Variants in JMY observed in about 807,000 individuals in gnomAD.
JMY encodes junction-mediating and -regulatory protein.
JMY carries 46 observed loss-of-function variants against 103.3 expected under a neutral mutation model. The ratio of observed to expected loss-of-function variants is 0.45; its 90% CI spans 0.35 to 0.57. JMY has a LOEUF of 0.57. Ranked by LOEUF, JMY falls within the 20% of genes least tolerant of loss-of-function variation. JMY has a pLI of 0.00. For synonymous variants in JMY, 526 were observed against 489.3 expected, an observed-to-expected ratio of 1.07 and a Z score of -0.99; for missense variants, 1,238 against 1,255.2, an observed-to-expected ratio of 0.99 and a Z score of 0.21.
intron 2 of JMY, chr5:79,284,727 A>C (rs1746219393): frequency 6.3e-7 from 1 of 1,590,542 alleles, no homozygotes; most frequent in African/African-American, 1.3e-5. Context: ...CAAACACACG[A>C]CCCTTGAGAC....
chr5:79,313,185 T>C (rs1357659722), intron 8 of JMY, among the ~76,000 whole-genome samples: 1 of 152,154 alleles, frequency 6.6e-6, no homozygotes, highest in Non-Finnish European at 1.5e-5. Flanking sequence ...CCCAGCACTT[T>C]ATGAGGCTGA....
intron 1 of JMY, among the ~76,000 whole-genome samples, chr5:79,250,329 A>G (rs1244747271): frequency 1.3e-5 from 2 of 152,178 alleles, no homozygotes; most frequent in Admixed American, 1.3e-4. Flanking sequence ...TCGTGTATAC[A>G]TTATTATATT....
intron 1 of JMY, among the ~76,000 whole-genome samples, chr5:79,257,443 A>G (rs1434513452): frequency 2.0e-5 from 3 of 152,104 alleles, no homozygotes; most frequent in African/African-American, 7.2e-5. Context: ...TCTCTACAAA[A>G]ACTACAAAAA....
chr5:79,314,247 G>C lies in JMY; in HGVS notation c.2065-10G>C, dbSNP rs781614835. 2 of 1,590,006 alleles carry C rather than the reference G, an allele frequency of 1.3e-6. No homozygotes were observed. The highest frequency in any genetic ancestry group is 8.5e-7 in the Non-Finnish European group (1 of 1,170,706). ...CATTTAACCAGTTCCAATAACTTCT[G>C]GTATTTTAGAGGTATCCTGGGCAAG... is the stretch of plus-strand genomic sequence containing the variant. On this transcript the variant is annotated splice_polypyrimidine_tract_variant and intron_variant, in intron 8 of 10. Coordinates refer to ENST00000396137, the MANE Select transcript of JMY (RefSeq NM_152405.5).
At chr5:79,271,373 T>A (rs569263408) in intron 1 of JMY, among the ~76,000 whole-genome samples, 1 of 152,248 alleles carries the variant, frequency 6.6e-6, no homozygotes, top group African/African-American at 2.4e-5. Context: ...TTTTTGCTGT[T>A]AGGCTAAACC....
intron 2 of JMY, among the ~76,000 whole-genome samples, chr5:79,286,639 T>TAA (rs58505099): frequency 5.2e-5 from 7 of 135,054 alleles, no homozygotes; most frequent in Admixed American, 7.5e-5. Context: ...CAAGACTCCA[T>TAA]AAAAAAAAAA....
intron 1 of JMY, among the ~76,000 whole-genome samples, chr5:79,274,819 G>GT (rs532057207): frequency 4.5e-4 from 68 of 152,292 alleles, no homozygotes; most frequent in Admixed American, 3.3e-3. Context: ...TCTGGATTCT[G>GT]TTATGTTCCC....
At chr5:79,313,446 T>TA (rs1393123852) in intron 8 of JMY, among the ~76,000 whole-genome samples, 1 of 152,090 alleles carries the variant, frequency 6.6e-6, no homozygotes, top group African/African-American at 2.4e-5. Flanking sequence ...CAAAAGGTCT[T>TA]ACCATGGTAA....
chr5:79,262,542 G>GT (rs1420924017), intron 1 of JMY, among the ~76,000 whole-genome samples: 1 of 152,134 alleles, frequency 6.6e-6, no homozygotes, highest in Admixed American at 6.5e-5. Flanking sequence ...TTAGTAAATT[G>GT]TATCTTTTGA....
Position 79,300,150 on chromosome 5 carries a change from C to T in JMY, c.1528-3C>T. On this transcript the variant is annotated splice_polypyrimidine_tract_variant and splice_region_variant and intron_variant, in intron 4 of 10. Coordinates refer to ENST00000396137, the MANE Select transcript of JMY (RefSeq NM_152405.5). The stretch of plus-strand genomic sequence containing the variant: ...AATTTTTTAATTTGTATTTTCAATG[C>T]AGATGCAGAGTTTGCGGGGTGGTAC... 1 of 1,611,836 alleles carries T rather than the reference C, an allele frequency of 6.2e-7. No individual in the cohort carries two copies.
intron 10 of JMY, among the ~76,000 whole-genome samples, chr5:79,318,071 G>A (rs542181900): frequency 4.6e-5 from 7 of 152,084 alleles, no homozygotes; most frequent in Non-Finnish European, 8.8e-5. Flanking sequence ...ACATGATCTC[G>A]GCTCGCTGCA....
At chr5:79,263,175 G>C (rs1018859255) in intron 1 of JMY, among the ~76,000 whole-genome samples, 5 of 152,010 alleles carry the variant, frequency 3.3e-5, no homozygotes, top group Admixed American at 2.6e-4. Flanking sequence ...CCATTATCTC[G>C]AAGAAAGTGT....
In JMY at chr5:79,237,190, A is replaced by G. The variant is rs1744547065; in HGVS notation, c.540A>G (p.Val180=). ...PAPREAQVSS[V]RIVSASGTVS... ...CCAGAGAGGCCCAGGTGTCCTCTGT[A>G]CGGATAGTGAGCGCCTCTGGGACGG... Residue 180 remains valine, a synonymous_variant, in exon 1 of 11, where the codon GTA becomes GTG. Coordinates refer to ENST00000396137, the MANE Select transcript of JMY (RefSeq NM_152405.5). The G allele has an allele frequency of 1.3e-6, 2 of 1,550,194 alleles. No homozygotes were observed. Among genetic ancestry groups the G allele is most frequent in the Non-Finnish European group, 1.7e-6 (2 of 1,146,882 alleles).
intron 4 of JMY, among the ~76,000 whole-genome samples, chr5:79,291,797 T>C (rs531801465): frequency 6.6e-6 from 1 of 152,324 alleles, no homozygotes; most frequent in Admixed American, 6.5e-5. Flanking sequence ...TTTTTTACTA[T>C]TGACAGTTAT....
In JMY at chr5:79,323,806, AATC is replaced by A. The variant is rs1389831502; in HGVS notation, c.*2207_*2209del. Reference sequence around the variant, plus strand: ...TGGTCTGTCTTCCAGAGTGTGCTGTAATCATAAGTCTCTAGCAAAGAGTGGAGG... The same window carrying A: ...TGGTCTGTCTTCCAGAGTGTGCTGTAATAAGTCTCTAGCAAAGAGTGGAGG... On this transcript the variant is annotated 3_prime_UTR_variant, in exon 11 of 11. Coordinates refer to ENST00000396137, the MANE Select transcript of JMY (RefSeq NM_152405.5). 2 of 152,174 alleles carry A rather than the reference AATC, an allele frequency of 1.3e-5. No individual in the cohort carries two copies. Among genetic ancestry groups the A allele is most frequent in the African/African-American group, 4.8e-5 (2 of 41,442 alleles). The allele number at this position is 152,174 out of a possible 1,614,324, so 9.4% of individuals were successfully genotyped here.
intron 1 of JMY, among the ~76,000 whole-genome samples, chr5:79,274,006 T>TAC (rs1745862082): frequency 6.6e-6 from 1 of 152,020 alleles, no homozygotes; most frequent in Non-Finnish European, 1.5e-5. Context: ...AATTTTTGTA[T>TAC]TTTTAGTAGA....
Position 79,316,178 on chromosome 5 carries a change from C to T in JMY, c.2838C>T (p.Ser946=). Residue 946 remains serine (S), a synonymous_variant, in exon 10 of 11, where the codon TCC becomes TCT. Transcript: ENST00000396137. ...KKVQKDVLRE[S]FTLLPDTDPL... ...TACAGAAGGATGTTTTGAGAGAATC[C>T]TTCACACTTCTACCCGATACAGACC... 6.2e-7 allele frequency: 1 copy of T among 1,614,098 alleles called. No individual in the cohort carries two copies.
chr5:79,273,842 TC>T (rs1227000851), intron 1 of JMY, among the ~76,000 whole-genome samples: 1 of 152,156 alleles, frequency 6.6e-6, no homozygotes, highest in Admixed American at 6.5e-5. Flanking sequence ...TTTTCTTTTT[TC>T]TTTTTGAGAT....
chr5:79,297,427 C>T (rs73118309), intron 4 of JMY, among the ~76,000 whole-genome samples: 2,867 of 152,250 alleles, frequency 0.019, 91 homozygotes, highest in African/African-American at 0.066. Context: ...TTCTGTTTCT[C>T]TTAGTTCTGT....
Sources: gnomAD v4.1 joint callset for allele counts (sites outside exome capture counted in the v4.1 genomes callset) on GRCh38, gnomAD v4.1.1 for gene constraint, MANE v1.5 for transcripts, NCBI Gene and HGNC (gene_info 2026-07-23, HGNC 2026-07-21) for gene names.